PCDH11Y: variants seen among roughly 807,000 people sequenced by gnomAD.
PCDH11Y encodes protocadherin-11 Y-linked.
For missense variants in PCDH11Y, 12 were observed against 224.8 expected (o/e 0.05, Z 6.05); for synonymous variants, 9 against 83.6 (o/e 0.11, Z 4.87).
chrY:5,067,405 C>G, intron 1 of PCDH11Y, among the ~76,000 whole-genome samples: 1 of 32,866 alleles, frequency 3.0e-5, no homozygotes, highest in South Asian at 6.7e-4. Context: ...GTTTTGTAAA[C>G]TGTAATCTCA....
At chrY:5,236,740 G>T (rs1602890661) in intron 2 of PCDH11Y, among the ~76,000 whole-genome samples, 7 of 27,953 alleles carry the variant, frequency 2.5e-4, no homozygotes, top group South Asian at 8.2e-4. Flanking sequence ...AGACCATGTG[G>T]TTTTTTTTTT....
intron 2 of PCDH11Y, among the ~76,000 whole-genome samples, chrY:5,216,379 CT>C (rs2052946278): frequency 3.3e-5 from 1 of 30,030 alleles, no homozygotes; most frequent in South Asian, 7.3e-4. Flanking sequence ...TTTTTAATTT[CT>C]TTTTTTTTGC....
intron 4 of PCDH11Y, among the ~76,000 whole-genome samples, chrY:5,669,456 A>G: frequency 3.2e-5 from 1 of 31,505 alleles, no homozygotes; most frequent in African/African-American, 1.2e-4. Context: ...ACTTAGTATA[A>G]TATGCTTCAG....
chrY:5,409,413 C>T (rs2124678116), intron 2 of PCDH11Y, among the ~76,000 whole-genome samples: 4 of 25,968 alleles, frequency 1.5e-4, no homozygotes, highest in African/African-American at 6.1e-4. Context: ...AGAAAATCAT[C>T]GTGAATAGTA....
At chrY:5,193,402 T>A (rs1602883714) in intron 2 of PCDH11Y, among the ~76,000 whole-genome samples, 1 of 33,394 alleles carries the variant, frequency 3.0e-5, no homozygotes, top group South Asian at 6.7e-4. Flanking sequence ...TAATTCACCA[T>A]GCCACATTGA....
At chrY:5,244,013 G>A (rs1602892515) in intron 2 of PCDH11Y, among the ~76,000 whole-genome samples, 1 of 32,487 alleles carries the variant, frequency 3.1e-5, no homozygotes, top group South Asian at 6.7e-4. Context: ...AAAATCAACC[G>A]CATAATCAGA....
intron 2 of PCDH11Y, among the ~76,000 whole-genome samples, chrY:5,402,652 CTTTTTTTT>C (rs2053234658): frequency 5.3e-5 from 1 of 18,864 alleles, no homozygotes; most frequent in Non-Finnish European, 1.2e-4. Flanking sequence ...TTAGTTATTT[CTTTTTTTT>C]TTTTTTTTTT....
At chrY:5,110,905 G>T (rs1602869333) in intron 2 of PCDH11Y, among the ~76,000 whole-genome samples, 1 of 31,523 alleles carries the variant, frequency 3.2e-5, no homozygotes, top group East Asian at 8.5e-4. Context: ...TCATATTCAA[G>T]GATGGAACAA....
chrY:5,033,599 A>G lies in PCDH11Y; in HGVS notation c.32+871A>G, dbSNP rs2052594218. On this transcript the variant is annotated intron_variant, in intron 3 of 5. Transcript: ENST00000333703. Reference sequence around the variant, plus strand: ...AATATATTTAAATTATTTGTCACAAATACTCATTCTCAGTTTCTCTTGTCC... The same window carrying G: ...AATATATTTAAATTATTTGTCACAAGTACTCATTCTCAGTTTCTCTTGTCC... Among the ~76,000 whole-genome samples, 5 of 23,645 alleles carry G rather than the reference A, an allele frequency of 2.1e-4. No individual in the cohort carries two copies. The South Asian group carries it at 5.7e-3, about 27-fold the overall frequency. 63.4% of individuals were successfully genotyped at this position (23,645 alleles called of 37,273 possible).
intron 2 of PCDH11Y, among the ~76,000 whole-genome samples, chrY:5,428,339 T>C: frequency 3.0e-5 from 1 of 33,759 alleles, no homozygotes; most frequent in Non-Finnish European, 7.4e-5. Context: ...TTCTATAGAC[T>C]TTTTCTGTTT....
chrY:5,595,786 A>G lies in PCDH11Y; in HGVS notation c.3352+13988A>G, dbSNP rs2124698973. On this transcript the variant is annotated intron_variant, in intron 4 of 4. Coordinates refer to the PCDH11Y transcript ENST00000400457. ...CTAACCTCTCTGTTTAGTAAAGTCT[A>G]ACTGTGAAGATGATAAGCCAGGTAC... Among the ~76,000 whole-genome samples the G allele has an allele frequency of 2.7e-4, 9 of 33,352 alleles. No individual in the cohort carries two copies. In the East Asian group the frequency reaches 6.3e-3, roughly 23 times the overall value. 89.5% of individuals were successfully genotyped at this position (33,352 alleles called of 37,273 possible). A position where few individuals can be genotyped will look rare whatever the true frequency, so the allele number is the denominator to read the frequency against.
At chrY:5,329,431 G>T in intron 2 of PCDH11Y, among the ~76,000 whole-genome samples, 1 of 32,286 alleles carries the variant, frequency 3.1e-5, no homozygotes, top group Non-Finnish European at 7.6e-5. Flanking sequence ...AAGCGATTGG[G>T]GGGTTCTTGC....
chrY:5,494,397 C>T (rs2124687227), intron 2 of PCDH11Y, among the ~76,000 whole-genome samples: 3 of 32,998 alleles, frequency 9.1e-5, no homozygotes, highest in South Asian at 6.7e-4. Context: ...CTTCATCTTG[C>T]GTATCTACAA....
intron 2 of PCDH11Y, among the ~76,000 whole-genome samples, chrY:5,206,491 G>C: frequency 3.6e-5 from 1 of 27,771 alleles, no homozygotes; most frequent in Non-Finnish European, 8.4e-5. Flanking sequence ...ACAAATTGAA[G>C]GGTGAGAATA....
intron 2 of PCDH11Y, among the ~76,000 whole-genome samples, chrY:5,222,501 C>CT (rs2052955316): frequency 7.5e-5 from 2 of 26,623 alleles, no homozygotes; most frequent in Admixed American, 3.5e-4. Flanking sequence ...TTTCTCGTTT[C>CT]TTTTTTTTTT....
At chrY:5,554,520 A>G (rs2053421863) in intron 3 of PCDH11Y, among the ~76,000 whole-genome samples, 1 of 33,010 alleles carries the variant, frequency 3.0e-5, no homozygotes, top group Non-Finnish European at 7.5e-5. Flanking sequence ...CCTATCACAT[A>G]GCCTCCTCCT....
intron 4 of PCDH11Y, among the ~76,000 whole-genome samples, chrY:5,733,969 A>G (rs2124715513): frequency 3.0e-5 from 1 of 33,388 alleles, no homozygotes; most frequent in Admixed American, 2.7e-4. Flanking sequence ...CAGGTTGCTG[A>G]ACCAGGTGAG....
chrY:5,034,395 C>A, intron 3 of PCDH11Y, among the ~76,000 whole-genome samples: 3 of 33,308 alleles, frequency 9.0e-5, no homozygotes, highest in Non-Finnish European at 2.2e-4. Flanking sequence ...TAATCTTATT[C>A]TTTATTGTGG....
intron 4 of PCDH11Y, among the ~76,000 whole-genome samples, chrY:5,628,298 C>A (rs2053509175): frequency 8.8e-4 from 30 of 34,169 alleles, no homozygotes; most frequent in African/African-American, 3.4e-3. Context: ...ACAGCAGTTA[C>A]AGAAAGCAGC....
Sources: allele counts gnomAD v4.1 joint callset (sites outside exome capture counted in the v4.1 genomes callset), GRCh38; gene constraint gnomAD v4.1.1; transcripts MANE v1.5; gene names NCBI Gene and HGNC (gene_info 2026-07-23, HGNC 2026-07-21).